OR2A1: variants seen among roughly 807,000 people sequenced by gnomAD.
The protein encoded by OR2A1 is olfactory receptor family 2 subfamily A member 1.
For synonymous variants in OR2A1, 2 were observed against 94.7 expected (o/e 0.02, Z 5.68); for missense variants, 1 against 212.3 (o/e 0.00, Z 6.19).
Position 144,322,287 on chromosome 7 carries a change from C to T in OR2A1, c.*3230C>T, listed in dbSNP as rs1398207863. 6 of 147,978 alleles carry T rather than the reference C, an allele frequency of 4.1e-5. No homozygotes were observed. Among genetic ancestry groups the T allele is most frequent in the South Asian group, 2.1e-4 (1 of 4,752 alleles). 9.2% of individuals were successfully genotyped at this position (147,978 alleles called of 1,614,324 possible). A position where few individuals can be genotyped will look rare whatever the true frequency, so the allele number is the denominator to read the frequency against. ...AGAGTGAGTACTCACAAAAAACATACGGAATACATAGAGGACACTTTATCT... is the reference window on the plus strand; with the variant it reads ...AGAGTGAGTACTCACAAAAAACATATGGAATACATAGAGGACACTTTATCT... On this transcript the variant is annotated 3_prime_UTR_variant, in exon 2 of 2. Coordinates refer to ENST00000641044, the MANE Select transcript of OR2A1 (RefSeq NM_001005287.2).
rs2053180784 is a variant in OR2A1, at chr7:144,322,603, A to G, written c.*3546A>G. 6.7e-6 allele frequency: 1 copy of G among 150,330 alleles called. No homozygotes were observed. Among genetic ancestry groups the G allele is most frequent in the African/African-American group, 2.5e-5 (1 of 40,710 alleles). The allele number at this position is 150,330 out of a possible 1,614,324, so 9.3% of individuals were successfully genotyped here. On this transcript the variant is annotated 3_prime_UTR_variant, in exon 2 of 2. Transcript: ENST00000641044. ...TCATTCAGTGGTAGAAACATGAATC[A>G]AGACCAGGCAGTCTGACTGTAAATA...
chr7:144,316,038 T>A (rs2053072942), intron 1 of OR2A1, among the ~76,000 whole-genome samples: 1 of 145,078 alleles, frequency 6.9e-6, no homozygotes, highest in South Asian at 2.2e-4. Flanking sequence ...TTATAAGGTG[T>A]AAATTCAAAT....
At position 144,322,624 on chromosome 7, in the gene OR2A1, A is replaced by G. The variant is rs1322347985; in HGVS notation, c.*3567A>G. On this transcript the variant is annotated 3_prime_UTR_variant, in exon 2 of 2. Coordinates refer to ENST00000641044, the MANE Select transcript of OR2A1 (RefSeq NM_001005287.2). ...AATCAAGACCAGGCAGTCTGACTGT[A>G]AATAAATTCTGAGCCACTCTCTTGC... 1 of 150,206 alleles carries G rather than the reference A, an allele frequency of 6.7e-6. No individual in the cohort carries two copies. Among genetic ancestry groups the G allele is most frequent in the Admixed American group, 6.6e-5 (1 of 15,178 alleles). The allele number at this position is 150,206 out of a possible 1,614,324, so 9.3% of individuals were successfully genotyped here. A position where few individuals can be genotyped will look rare whatever the true frequency, so the allele number is the denominator to read the frequency against.
intron 1 of OR2A1, among the ~76,000 whole-genome samples, chr7:144,316,662 A>T (rs1259761373): frequency 3.3e-5 from 5 of 152,262 alleles, no homozygotes; most frequent in African/African-American, 1.2e-4. Context: ...AAAGGACAAG[A>T]TCTCATTCTT....
Position 144,313,192 on chromosome 7 carries a change from C to T in OR2A1, c.-5+645C>T, listed in dbSNP as rs566781941. Among the ~76,000 whole-genome samples the T allele has an allele frequency of 6.9e-5, 7 of 101,926 alleles. 2 individuals carry two copies. The East Asian group carries it at 4.2e-3, about 61-fold the overall frequency. 66.9% of individuals were successfully genotyped at this position (101,926 alleles called of 152,430 possible). A position where few individuals can be genotyped will look rare whatever the true frequency, so the allele number is the denominator to read the frequency against. On this transcript the variant is annotated intron_variant, in intron 1 of 1. Transcript: ENST00000641044. ...TTTCAGTGTTTACTCTGCCTGAGAA[C>T]CTGATCCGCAGAAGAATGTGGAGAG...
chr7:144,315,748 A>C (rs1225866797), intron 1 of OR2A1, among the ~76,000 whole-genome samples: 1 of 104,036 alleles, frequency 9.6e-6, no homozygotes, highest in Non-Finnish European at 2.4e-5. Flanking sequence ...CAATCCCAGC[A>C]CTTTGGGAGG....
intron 1 of OR2A1, among the ~76,000 whole-genome samples, chr7:144,314,488 C>CT (rs2053056289): frequency 9.9e-6 from 1 of 101,412 alleles, no homozygotes. Flanking sequence ...CGCCCAGCTA[C>CT]TTTTTTTGTT....
At position 144,321,256 on chromosome 7, in the gene OR2A1, C is replaced by T. The variant is rs1354682911; in HGVS notation, c.*2199C>T. On this transcript the variant is annotated 3_prime_UTR_variant, in exon 2 of 2. Transcript: ENST00000641044. Reference sequence around the variant, plus strand: ...ATACAATTTGTAATTCCATTGCTGCCGAACAGTTTTTAAACGGTTGTTTAG... The same window carrying T: ...ATACAATTTGTAATTCCATTGCTGCTGAACAGTTTTTAAACGGTTGTTTAG... 3 of 130,006 alleles carry T rather than the reference C, an allele frequency of 2.3e-5. No homozygotes were observed. The highest frequency in any genetic ancestry group is 7.5e-5 in the Admixed American group (1 of 13,352). The allele number at this position is 130,006 out of a possible 1,614,324, so 8.1% of individuals were successfully genotyped here.
At position 144,321,010 on chromosome 7, in the gene OR2A1, GT is replaced by G; in HGVS notation, c.*1958del. ...CATCAATTGAAGAACATTAGAAAGT[GT>G]TTTTGTAAATTATCTAGCCGGGCAT... On this transcript the variant is annotated 3_prime_UTR_variant, in exon 2 of 2. Coordinates refer to ENST00000641044, the MANE Select transcript of OR2A1 (RefSeq NM_001005287.2). 1.1e-5 allele frequency: 1 copy of G among 87,728 alleles called. No homozygotes were observed. Among genetic ancestry groups the G allele is most frequent in the Non-Finnish European group, 2.2e-5 (1 of 44,836 alleles). 5.4% of individuals were successfully genotyped at this position (87,728 alleles called of 1,614,324 possible). A position where few individuals can be genotyped will look rare whatever the true frequency, so the allele number is the denominator to read the frequency against.
upstream of OR2A1, among the ~76,000 whole-genome samples, chr7:144,312,124 ATGT>A (rs1185092391): frequency 6.0e-5 from 6 of 99,976 alleles, no homozygotes; most frequent in African/African-American, 2.2e-4. Context: ...ATAATGAAAG[ATGT>A]TGTCTCAGAG....
At chr7:144,315,991 A>G (rs1314371855) in intron 1 of OR2A1, among the ~76,000 whole-genome samples, 1 of 102,906 alleles carries the variant, frequency 9.7e-6, no homozygotes, top group Non-Finnish European at 2.3e-5. Flanking sequence ...TTCACAGGGA[A>G]ACCGTCTCAA....
rs2053161332 is a variant in OR2A1, at chr7:144,321,471, C to T, written c.*2414C>T. The T allele has an allele frequency of 6.6e-6, 1 of 150,740 alleles. No individual in the cohort carries two copies. Among genetic ancestry groups the T allele is most frequent in the African/African-American group, 2.5e-5 (1 of 40,194 alleles). 9.3% of individuals were successfully genotyped at this position (150,740 alleles called of 1,614,324 possible). A position where few individuals can be genotyped will look rare whatever the true frequency, so the allele number is the denominator to read the frequency against. On this transcript the variant is annotated 3_prime_UTR_variant, in exon 2 of 2. Coordinates refer to ENST00000641044, the MANE Select transcript of OR2A1 (RefSeq NM_001005287.2). ...TGCTCAGGCGGTTGCCTGTGTGGAC[C>T]CTAAATTCTGTGTGTGCAGTCCTCT...
chr7:144,316,856 C>CT (rs1425762513), intron 1 of OR2A1, among the ~76,000 whole-genome samples: 532 of 131,710 alleles, frequency 4.0e-3, no homozygotes, highest in Middle Eastern at 0.015. Flanking sequence ...GAAGCTTTTT[C>CT]TTCAGAGATA....
At position 144,320,560 on chromosome 7, in the gene OR2A1, C is replaced by T. The variant is rs1170339622; in HGVS notation, c.*1503C>T. Reference sequence around the variant, plus strand: ...AGAGACTATTACTACTATTTTTAGGCGAGAAAACAGAACTATAGAGAGATT... The same window carrying T: ...AGAGACTATTACTACTATTTTTAGGTGAGAAAACAGAACTATAGAGAGATT... On this transcript the variant is annotated 3_prime_UTR_variant, in exon 2 of 2. Coordinates refer to ENST00000641044, the MANE Select transcript of OR2A1 (RefSeq NM_001005287.2). 3 of 84,178 alleles carry T rather than the reference C, an allele frequency of 3.6e-5. No individual in the cohort carries two copies. Among genetic ancestry groups the T allele is most frequent in the Admixed American group, 1.3e-4 (1 of 7,920 alleles). 5.2% of individuals were successfully genotyped at this position (84,178 alleles called of 1,614,324 possible).
intron 1 of OR2A1, among the ~76,000 whole-genome samples, chr7:144,312,840 T>C (rs2053036219): frequency 3.3e-5 from 1 of 30,534 alleles, no homozygotes; most frequent in Non-Finnish European, 5.8e-5. Flanking sequence ...ATCATGGTTT[T>C]AAGGGACTAT....
chr7:144,313,199 C>T (rs1411903075), intron 1 of OR2A1, among the ~76,000 whole-genome samples: 21 of 101,858 alleles, frequency 2.1e-4, no homozygotes, highest in Admixed American at 9.2e-4. Flanking sequence ...GAACCTGATC[C>T]GCAGAAGAAT....
intron 1 of OR2A1, among the ~76,000 whole-genome samples, chr7:144,316,215 T>C (rs1308908466): frequency 4.7e-5 from 7 of 149,162 alleles, no homozygotes; most frequent in African/African-American, 1.7e-4. Context: ...GTCTTGCTGA[T>C]AATAATCAAC....
At chr7:144,313,455 C>T (rs1586998802) in intron 1 of OR2A1, among the ~76,000 whole-genome samples, 5 of 130,736 alleles carry the variant, frequency 3.8e-5, no homozygotes, top group Admixed American at 2.5e-4. Context: ...GAATTTCTGG[C>T]TTGCTTAAAT....
At position 144,321,972 on chromosome 7, in the gene OR2A1, TA is replaced by T. The variant is rs2053170235; in HGVS notation, c.*2916del. ...GGAGGCCACTCACTCTTGGAGGGCA[TA>T]GCTGGACCAGGAGCATGAGCTGTGG... On this transcript the variant is annotated 3_prime_UTR_variant, in exon 2 of 2. Transcript: ENST00000641044. 1 of 106,320 alleles carries T rather than the reference TA, an allele frequency of 9.4e-6. No homozygotes were observed. Among genetic ancestry groups the T allele is most frequent in the Non-Finnish European group, 1.9e-5 (1 of 53,778 alleles). The allele number at this position is 106,320 out of a possible 1,614,324, so 6.6% of individuals were successfully genotyped here.
Sources: allele counts gnomAD v4.1 joint callset (sites outside exome capture counted in the v4.1 genomes callset), GRCh38; gene constraint gnomAD v4.1.1; transcripts MANE v1.5; gene names NCBI Gene and HGNC (gene_info 2026-07-23, HGNC 2026-07-21).